The following NUFIP2 variants were observed in gnomAD, a reference collection of about 807,000 sequenced individuals.
The protein encoded by NUFIP2 is FMR1-interacting protein NUFIP2.
Under a neutral mutation model 56.9 loss-of-function variants are expected in NUFIP2, and 6 were observed. The observed-to-expected ratio is 0.11, with a 90% CI of 0.06 to 0.21. The LOEUF is 0.21. Ranked by LOEUF, NUFIP2 falls within the 10% of genes least tolerant of loss-of-function variation. The pLI, the probability that NUFIP2 is intolerant of heterozygous loss-of-function variation, is 1.00. For synonymous variants in NUFIP2, 321 were observed against 298.2 expected, an observed-to-expected ratio of 1.08 and a Z score of -0.79; for missense variants, 828 against 826.8, an observed-to-expected ratio of 1.00 and a Z score of -0.02.
Position 29,287,298 on chromosome 17 carries a change from C to T in NUFIP2, c.696G>A (p.Lys232=), listed in dbSNP as rs147602967. The change falls in exon 2 of 4, where the codon AAG becomes AAA. Residue 232 remains lysine, a synonymous_variant. Transcript: ENST00000225388. ...KKRKARRNSA[K]GCENLNIVQD... Reference sequence around the variant, plus strand: ...GCACTATATTAAGGTTTTCACAACCCTTGGCACTATTGCGCCTAGCTTTCC... The same window carrying T: ...GCACTATATTAAGGTTTTCACAACCTTTGGCACTATTGCGCCTAGCTTTCC... 1 of 1,614,078 alleles carries T rather than the reference C, an allele frequency of 6.2e-7. No homozygotes were observed. Among genetic ancestry groups the T allele is most frequent in the East Asian group, 2.2e-5 (1 of 44,902 alleles).
intron 2 of NUFIP2, among the ~76,000 whole-genome samples, chr17:29,283,718 AAAC>A (rs1397516993): frequency 2.0e-5 from 3 of 152,212 alleles, no homozygotes; most frequent in Non-Finnish European, 2.9e-5. Context: ...ACGGCACAGA[AAAC>A]AATACCAAAA....
intron 2 of NUFIP2, 40 bp from the exon 3 acceptor site, chr17:29,267,570 GAGCAA>G: frequency 7.8e-7 from 1 of 1,286,886 alleles, no homozygotes; most frequent in Non-Finnish European, 1.1e-6. Context: ...AAGTTTTGGT[GAGCAA>G]AGTCTGAAGC....
chr17:29,283,174 T>C (rs2069150605), intron 2 of NUFIP2, among the ~76,000 whole-genome samples: 1 of 152,208 alleles, frequency 6.6e-6, no homozygotes, highest in African/African-American at 2.4e-5. Context: ...ATTCAGCTTA[T>C]ATAAATACCA....
chr17:29,267,585 C>T (rs1001335070), intron 2 of NUFIP2, 55 bp from the exon 3 acceptor site: 12 of 1,080,096 alleles, frequency 1.1e-5, no homozygotes, highest in African/African-American at 1.6e-5. Context: ...AAGTCTGAAG[C>T]GATGCTTTTC....
rs1202342031 is a variant in NUFIP2 at position 29,262,368 on chromosome 17, GTCTT to G, written c.*2167_*2170del. ...TTTTTCCCTTTAATCAACCTTATAT[GTCTT>G]TTTTTTTAACTTTTTGAAAATTTTT... On this transcript the variant is annotated 3_prime_UTR_variant, in exon 4 of 4. Coordinates refer to ENST00000225388, the MANE Select transcript of NUFIP2 (RefSeq NM_020772.3). 6.6e-6 allele frequency: 1 copy of G among 151,848 alleles called. No homozygotes were observed. Among genetic ancestry groups the G allele is most frequent in the Non-Finnish European group, 1.5e-5 (1 of 67,928 alleles). 9.4% of individuals were successfully genotyped at this position (151,848 alleles called of 1,614,324 possible). A position where few individuals can be genotyped will look rare whatever the true frequency, so the allele number is the denominator to read the frequency against.
chr17:29,292,201 G>A (rs1322920953), intron 1 of NUFIP2, among the ~76,000 whole-genome samples: 1 of 152,038 alleles, frequency 6.6e-6, no homozygotes, highest in Non-Finnish European at 1.5e-5. Context: ...TTTTAACACG[G>A]AGAGAAGCCT....
chr17:29,276,606 G>A (rs1430434615), intron 2 of NUFIP2, among the ~76,000 whole-genome samples: 3 of 152,128 alleles, frequency 2.0e-5, no homozygotes, highest in African/African-American at 4.8e-5. Context: ...CCAAAGTGCT[G>A]GGATTACAGG....
At chr17:29,271,750 G>A (rs1268368042) in intron 2 of NUFIP2, among the ~76,000 whole-genome samples, 1 of 151,954 alleles carries the variant, frequency 6.6e-6, no homozygotes, top group Non-Finnish European at 1.5e-5. Context: ...TTTGCATGAT[G>A]CTATGCTTAA....
At chr17:29,273,015 A>G in intron 2 of NUFIP2, among the ~76,000 whole-genome samples, 1 of 145,278 alleles carries the variant, frequency 6.9e-6, no homozygotes, top group East Asian at 2.0e-4. Flanking sequence ...AGGCCCAGCT[A>G]ATATATATAT....
At chr17:29,282,518 A>C (rs1363685700) in intron 2 of NUFIP2, among the ~76,000 whole-genome samples, 1 of 151,566 alleles carries the variant, frequency 6.6e-6, no homozygotes, top group Admixed American at 6.6e-5. Context: ...ACTGCACTCC[A>C]GCCTGGGCAA....
chr17:29,272,543 C>T (rs1224592262), intron 2 of NUFIP2, among the ~76,000 whole-genome samples: 1 of 151,866 alleles, frequency 6.6e-6, no homozygotes, highest in Non-Finnish European at 1.5e-5. Context: ...CCTGGCCCCT[C>T]GTTTGTGTGA....
At chr17:29,268,784 C>T (rs1485888032) in intron 2 of NUFIP2, among the ~76,000 whole-genome samples, 1 of 151,992 alleles carries the variant, frequency 6.6e-6, no homozygotes, top group Non-Finnish European at 1.5e-5. Context: ...CCACCTCAGC[C>T]CCCCAAAGTG....
intron 2 of NUFIP2, among the ~76,000 whole-genome samples, chr17:29,273,982 A>C (rs985591739): frequency 6.6e-6 from 1 of 152,218 alleles, no homozygotes; most frequent in Admixed American, 6.5e-5. Flanking sequence ...TATGAAAAAA[A>C]AATACTACTC....
At chr17:29,282,274 T>C (rs976585892) in intron 2 of NUFIP2, among the ~76,000 whole-genome samples, 2 of 151,726 alleles carry the variant, frequency 1.3e-5, no homozygotes, top group African/African-American at 4.8e-5. Context: ...ACACCTTTCT[T>C]TGTTGGGTGC....
chr17:29,259,421 A>G lies in NUFIP2; in HGVS notation c.*5118T>C, dbSNP rs1214053413. The G allele has an allele frequency of 2.6e-5, 4 of 152,062 alleles. No homozygotes were observed. The highest frequency in any genetic ancestry group is 9.7e-5 in the African/African-American group (4 of 41,328). 9.4% of individuals were successfully genotyped at this position (152,062 alleles called of 1,614,324 possible). ...ACATGGTGAAACCCCGTCTCTACTA[A>G]GAATACAAATTAGCCAGGTGTGGTG... On this transcript the variant is annotated 3_prime_UTR_variant, in exon 4 of 4. Coordinates refer to ENST00000225388, the MANE Select transcript of NUFIP2 (RefSeq NM_020772.3).
chr17:29,272,877 A>G (rs2069084197), intron 2 of NUFIP2, among the ~76,000 whole-genome samples: 1 of 147,812 alleles, frequency 6.8e-6, no homozygotes, highest in African/African-American at 2.5e-5. Flanking sequence ...TTTTTGAGAG[A>G]GTCTTGCTGT....
chr17:29,289,072 C>T (rs1274086197), intron 1 of NUFIP2, among the ~76,000 whole-genome samples: 2 of 151,974 alleles, frequency 1.3e-5, no homozygotes, highest in African/African-American at 4.8e-5. Flanking sequence ...CCCAGGAGGT[C>T]GAGGCTGCAG....
chr17:29,287,511 G>C lies in NUFIP2; in HGVS notation c.483C>G (p.Asp161Glu). 2 of 1,613,702 alleles carry C rather than the reference G, an allele frequency of 1.2e-6. No homozygotes were observed. The highest frequency in any genetic ancestry group is 8.5e-7 in the Non-Finnish European group (1 of 1,179,860). The change falls in exon 2 of 4, where the codon GAC (aspartate) becomes GAG (glutamate). Residue 161 changes from aspartate to glutamate, a missense_variant. By Grantham distance (45) the Asp-to-Glu change is conservative. Coordinates refer to ENST00000225388, the MANE Select transcript of NUFIP2 (RefSeq NM_020772.3). ...TTTCATAAGACTTCCCATTCTTTTTGTCCATACTGTTTTTCTGAATGAAAT... is the reference window on the plus strand; with the variant it reads ...TTTCATAAGACTTCCCATTCTTTTTCTCCATACTGTTTTTCTGAATGAAAT... ...TKNFIQKNSM[D>E]KKNGKSYENK... is the part of the protein sequence containing the mutation.
intron 1 of NUFIP2, among the ~76,000 whole-genome samples, chr17:29,291,035 C>CA (rs60000691): frequency 0.03 from 2,167 of 72,398 alleles, 21 homozygotes; most frequent in South Asian, 0.076. Context: ...GTTTTAATAA[C>CA]AAAAAAAAAA....
Sources: allele counts gnomAD v4.1 joint callset (sites outside exome capture counted in the v4.1 genomes callset), GRCh38; gene constraint gnomAD v4.1.1; transcripts MANE v1.5; gene names NCBI Gene and HGNC (gene_info 2026-07-23, HGNC 2026-07-21).